MMP26: variants seen among roughly 807,000 people sequenced by gnomAD.
The protein encoded by MMP26 is matrix metallopeptidase 26.
Under a neutral mutation model 31.0 loss-of-function variants are expected in MMP26, and 33 were observed. The observed-to-expected ratio is 1.06, with a 90% CI of 0.81 to 1.42. The LOEUF is 1.42. Ranked by LOEUF, MMP26 falls within the 40% of genes most tolerant of loss-of-function variation. The pLI is 0.00. For synonymous variants in MMP26, 122 were observed against 114.9 expected (o/e 1.06, Z -0.40); for missense variants, 347 against 316.1 (o/e 1.10, Z -0.74).
intron 2 of MMP26, chr11:4,804,244 A>C (rs1339212376): frequency 6.8e-6 from 11 of 1,613,958 alleles, no homozygotes; most frequent in Non-Finnish European, 8.5e-6. Context: ...GAGGAGAGTG[A>C]TATTTCCAAC....
At chr11:4,858,601 T>C (rs1307475063) in intron 2 of MMP26, among the ~76,000 whole-genome samples, 1 of 152,214 alleles carries the variant, frequency 6.6e-6, no homozygotes, top group Non-Finnish European at 1.5e-5. Context: ...GAACATTCCA[T>C]GCTCATGGAT....
In MMP26 at chr11:4,894,666, A is replaced by G. The variant is rs146594985; in HGVS notation, c.-144-93402A>G. ...TAGCAAAACTCAGCAAATGGAACCA[A>G]CTCTGAAACAGCAAGGGCAATACCT... On this transcript the variant is annotated intron_variant, in intron 2 of 7. Coordinates refer to ENST00000380390, the MANE Select transcript of MMP26 (RefSeq NM_021801.5). Among the ~76,000 whole-genome samples the G allele has an allele frequency of 4.2e-4, 64 of 152,276 alleles. 1 individual carries two copies. Among genetic ancestry groups the G allele is most frequent in the African/African-American group, 1.5e-3 (62 of 41,562 alleles).
At chr11:4,848,441 G>A (rs780655263) in intron 2 of MMP26, 4 of 1,613,900 alleles carry the variant, frequency 2.5e-6, no homozygotes, top group Admixed American at 1.7e-5. Flanking sequence ...TATAGAAGAG[G>A]AGCACTGCAG....
At chr11:4,868,686 A>C (rs1201898329) in intron 2 of MMP26, among the ~76,000 whole-genome samples, 1 of 152,168 alleles carries the variant, frequency 6.6e-6, no homozygotes, top group Non-Finnish European at 1.5e-5. Flanking sequence ...AAAGCTACCA[A>C]TGACTTTCTT....
intron 2 of MMP26, among the ~76,000 whole-genome samples, chr11:4,926,729 TG>T (rs1851278524): frequency 6.6e-6 from 1 of 152,190 alleles, no homozygotes; most frequent in African/African-American, 2.4e-5. Context: ...TATTATATTT[TG>T]GATATGGGTA....
intron 2 of MMP26, among the ~76,000 whole-genome samples, chr11:4,874,801 G>A (rs1183534867): frequency 6.6e-6 from 1 of 151,974 alleles, no homozygotes; most frequent in African/African-American, 2.4e-5. Flanking sequence ...TTGATTGTGT[G>A]GCACCAAGAT....
rs1589918495 is a variant in MMP26, at chr11:4,848,448, G to A, written c.-145+81107G>A. On this transcript the variant is annotated intron_variant, in intron 2 of 7. Coordinates refer to ENST00000380390, the MANE Select transcript of MMP26 (RefSeq NM_021801.5). ...CATAGGGATATAGAAGAGGAGCACT[G>A]CAGAGAGGTGGGCAGCACAGGTTTG... 5 of 1,613,924 alleles carry A rather than the reference G, an allele frequency of 3.1e-6. No individual in the cohort carries two copies. The highest frequency in any genetic ancestry group is 4.2e-6 in the Non-Finnish European group (5 of 1,179,870).
intron 2 of MMP26, chr11:4,769,486 A>G (rs765061073): frequency 1.2e-6 from 2 of 1,613,724 alleles, no homozygotes; most frequent in South Asian, 2.2e-5. Context: ...GACCCATTTG[A>G]ATGATTCTGG....
intron 2 of MMP26, among the ~76,000 whole-genome samples, chr11:4,935,202 C>T (rs1234020179): frequency 1.3e-5 from 2 of 151,696 alleles, no homozygotes; most frequent in Non-Finnish European, 2.9e-5. Context: ...TTCTTCCTAC[C>T]CATGAGCATG....
intron 1 of MMP26, among the ~76,000 whole-genome samples, chr11:4,759,606 G>T (rs1057422914): frequency 6.6e-6 from 1 of 152,104 alleles, no homozygotes; most frequent in Non-Finnish European, 1.5e-5. Context: ...ATATGAGACC[G>T]TGCTAATTTC....
rs114369734 is a variant in MMP26, at chr11:4,759,558, G to A, written c.-216-7712G>A. Among the ~76,000 whole-genome samples the A allele has an allele frequency of 2.2e-3, 341 of 152,090 alleles. 1 individual carries two copies. Among genetic ancestry groups the A allele is most frequent in the African/African-American group, 7.6e-3 (314 of 41,500 alleles). ...CCTCAAAATAACCTTTTATTTTCAAGGTAATAAACAATGTTTATAGACAGA... is the reference window on the plus strand; with the variant it reads ...CCTCAAAATAACCTTTTATTTTCAAAGTAATAAACAATGTTTATAGACAGA... On this transcript the variant is annotated intron_variant, in intron 1 of 7. Coordinates refer to ENST00000380390, the MANE Select transcript of MMP26 (RefSeq NM_021801.5).
chr11:4,907,693 TG>T, intron 2 of MMP26: 1 of 1,614,066 alleles, frequency 6.2e-7, no homozygotes, highest in Non-Finnish European at 8.5e-7. Flanking sequence ...ATGGATTCAC[TG>T]TCATGGAATC....
In MMP26 at chr11:4,829,479, C is replaced by T. The variant is rs573229805; in HGVS notation, c.-145+62138C>T. Among the ~76,000 whole-genome samples, 12 of 152,172 alleles carry T rather than the reference C, an allele frequency of 7.9e-5. No individual in the cohort carries two copies. The South Asian group carries it at 2.5e-3, about 32-fold the overall frequency. On this transcript the variant is annotated intron_variant, in intron 2 of 7. Coordinates refer to ENST00000380390, the MANE Select transcript of MMP26 (RefSeq NM_021801.5). ...TTTCTTTATCTGAAAATCATATGCC[C>T]CTGCACAACTTGCCAGCAGAATTAT...
intron 2 of MMP26, among the ~76,000 whole-genome samples, 194 bp from the exon 3 acceptor site, chr11:4,987,874 G>A (rs1014978596): frequency 2.6e-5 from 4 of 151,960 alleles, no homozygotes; most frequent in South Asian, 2.1e-4. Context: ...AATGAGTTTC[G>A]ACACACCTCC....
At chr11:4,908,337 C>A (rs1850938535) in intron 2 of MMP26, 3 of 1,574,792 alleles carry the variant, frequency 1.9e-6, no homozygotes, top group African/African-American at 2.7e-5. Context: ...AATAAATTAT[C>A]AACCAGTAGG....
chr11:4,772,165 AG>A (rs1386341881), intron 2 of MMP26, among the ~76,000 whole-genome samples: 2 of 152,236 alleles, frequency 1.3e-5, no homozygotes, highest in Non-Finnish European at 2.9e-5. Context: ...ATTAGAGGGC[AG>A]GAGTGTGTAA....
chr11:4,863,141 T>C (rs995466063), intron 2 of MMP26, among the ~76,000 whole-genome samples: 2 of 152,166 alleles, frequency 1.3e-5, no homozygotes, highest in Admixed American at 6.6e-5. Flanking sequence ...TGTTCTTCCA[T>C]GCAAATAGTT....
intron 2 of MMP26, among the ~76,000 whole-genome samples, chr11:4,827,272 AGGTATGAGCCATTTCTTCT>A (rs1438431837): frequency 6.6e-6 from 1 of 152,176 alleles, no homozygotes; most frequent in African/African-American, 2.4e-5. Flanking sequence ...CCTCAGAATG[AGGTATGAGCCATTTCTTCT>A]GCTGTACTGA....
At chr11:4,710,208 G>C (rs904839255) in intron 1 of MMP26, 1 of 456,732 alleles carries the variant, frequency 2.2e-6, no homozygotes, top group Admixed American at 2.3e-5. Context: ...CTTAGACTCT[G>C]TCTTGATCCT....
Sources: allele counts gnomAD v4.1 joint callset (sites outside exome capture counted in the v4.1 genomes callset), GRCh38; gene constraint gnomAD v4.1.1; transcripts MANE v1.5; gene names NCBI Gene and HGNC (gene_info 2026-07-23, HGNC 2026-07-21).